MPO: variants seen among roughly 807,000 people sequenced by gnomAD.
MPO encodes myeloperoxidase.
MPO carries 57 observed loss-of-function variants against 69.4 expected under a neutral mutation model. The observed-to-expected ratio is 0.82, with a 90% CI of 0.66 to 1.02. MPO has a LOEUF of 1.02. Ranked by LOEUF, MPO falls within the 50% of genes least tolerant of loss-of-function variation. MPO has a pLI of 0.00. For missense variants in MPO, 971 were observed against 1,014.1 expected, an observed-to-expected ratio of 0.96 and a Z score of 0.58; for synonymous variants, 426 against 417.1, an observed-to-expected ratio of 1.02 and a Z score of -0.26.
chr17:58,278,934 C>A, intron 6 of MPO, 74 bp downstream of exon 6: 1 of 1,499,196 alleles, frequency 6.7e-7, no homozygotes, highest in Non-Finnish European at 9.0e-7. Flanking sequence ...AACCTGGGCA[C>A]AGAAGGGAGA....
At position 58,279,424 on chromosome 17, in the gene MPO, C is replaced by A; in HGVS notation, c.551G>T (p.Arg184Leu). 6.2e-7 allele frequency: 1 copy of A among 1,610,238 alleles called. No homozygotes were observed. Among genetic ancestry groups the A allele is most frequent in the Non-Finnish European group, 8.5e-7 (1 of 1,178,610 alleles). The change falls in exon 5 of 12, where the codon CGC becomes CTC. Residue 184 changes from arginine (R) to leucine (L), a missense_variant and splice_region_variant. By Grantham distance (102) the Arg-to-Leu change is moderately radical. Coordinates refer to ENST00000225275, the MANE Select transcript of MPO (RefSeq NM_000250.2). ...RTITGMCNNR[R>L]SPTLGASNRA... ...GTTGGAGGCCCCCAGCGTGGGGCTG[C>A]GTCTGCAGGGGAGGACAGGGCGCTG...
intron 6 of MPO, 111 bp downstream of exon 6, chr17:58,278,897 C>T: frequency 7.8e-7 from 1 of 1,285,516 alleles, no homozygotes; most frequent in Non-Finnish European, 1.1e-6. Flanking sequence ...GAGGCAGGGC[C>T]AGCCTTCCTC....
At chr17:58,278,959 A>T (rs781660746) in intron 6 of MPO, 49 bp downstream of exon 6, 4 of 1,555,446 alleles carry the variant, frequency 2.6e-6, no homozygotes, top group Non-Finnish European at 3.5e-6. Flanking sequence ...CCCTTCCAGA[A>T]ACAATCTCCC....
rs375686331 is a variant in MPO, at chr17:58,270,612, C to G, written c.*44G>C. The G allele has an allele frequency of 6.2e-5, 94 of 1,526,056 alleles. No individual in the cohort carries two copies. The African/African-American group carries it at 1.3e-3, about 21-fold the overall frequency. 94.5% of individuals were successfully genotyped at this position (1,526,056 alleles called of 1,614,324 possible). On this transcript the variant is annotated 3_prime_UTR_variant, in exon 12 of 12. Transcript: ENST00000225275. This position sits in a 1 kb window ranked among gnomAD's most constrained non-coding sequence, Gnocchi z 4.1. ...GGAGATCTCCGTGGTTCCAACTGGCCAGCCCAGATATACCCCTCACTGCTG... is the reference window on the plus strand; with the variant it reads ...GGAGATCTCCGTGGTTCCAACTGGCGAGCCCAGATATACCCCTCACTGCTG...
chr17:58,274,253 G>C (rs1167870599), intron 8 of MPO: 2 of 472,076 alleles, frequency 4.2e-6, no homozygotes, highest in Admixed American at 4.5e-5. Context: ...GAGTCTAGAA[G>C]TTATTTTGGA....
intron 9 of MPO, 130 bp downstream of exon 9, chr17:58,273,284 G>C: frequency 1.4e-6 from 2 of 1,423,938 alleles, no homozygotes; most frequent in Non-Finnish European, 2.0e-6. Flanking sequence ...ACTGAGGCTA[G>C]AGAGTCAGAC....
chr17:58,280,925 C>T lies in MPO; in HGVS notation c.-167G>A. ...CAAGGACCCCACCTCCACAGCTCACCTGATATTGTCAGCTCCTCTTAGCTC... is the reference window on the plus strand; with the variant it reads ...CAAGGACCCCACCTCCACAGCTCACTTGATATTGTCAGCTCCTCTTAGCTC... On this transcript the variant is annotated 5_prime_UTR_variant, in exon 1 of 12. Transcript: ENST00000225275. The T allele has an allele frequency of 1.4e-6, 1 of 724,762 alleles. No individual in the cohort carries two copies. The highest frequency in any genetic ancestry group is 2.3e-6 in the Non-Finnish European group (1 of 436,774). 44.9% of individuals were successfully genotyped at this position (724,762 alleles called of 1,614,324 possible). A position where few individuals can be genotyped will look rare whatever the true frequency, so the allele number is the denominator to read the frequency against.
Position 58,270,712 on chromosome 17 carries a change from C to A in MPO, c.2182G>T (p.Val728Phe), listed in dbSNP as rs1175389434. The A allele has an allele frequency of 1.9e-6, 3 of 1,614,124 alleles. No individual in the cohort carries two copies. The highest frequency in any genetic ancestry group is 1.7e-6 in the Non-Finnish European group (2 of 1,180,012). The change falls in exon 12 of 12, where the codon GTC becomes TTC. Residue 728 changes from valine (V) to phenylalanine (F), a missense_variant. Physicochemically the swap from Val to Phe is conservative, Grantham distance 50. Coordinates refer to ENST00000225275, the MANE Select transcript of MPO (RefSeq NM_000250.2). The surrounding 1 kb of genome is among the most constrained non-coding windows in gnomAD (Gnocchi z 4.1). ...FMSNSYPRDF[V>F]NCSTLPALNL... ...AATGCAGGAAGTGTACTGCAGTTGA[C>A]AAAGTCCCGGGGATATGAGTTGGAC... is the stretch of plus-strand genomic sequence containing the variant.
In MPO at chr17:58,280,182, C is replaced by G. The variant is rs1970498104; in HGVS notation, c.249-168G>C. ...CCTGGGTGTCCAGACAGAGGCAAGGCTTTGGGAAGGATGGCTTTTAAGCTG... is the reference window on the plus strand; with the variant it reads ...CCTGGGTGTCCAGACAGAGGCAAGGGTTTGGGAAGGATGGCTTTTAAGCTG... On this transcript the variant is annotated intron_variant, in intron 2 of 11. Transcript: ENST00000225275. 6.7e-6 allele frequency: 7 copies of G among 1,051,252 alleles called. No individual in the cohort carries two copies. The South Asian group carries it at 9.7e-5, about 15-fold the overall frequency. The allele number at this position is 1,051,252 out of a possible 1,614,324, so 65.1% of individuals were successfully genotyped here.
At position 58,279,327 on chromosome 17, in the gene MPO, C is replaced by G. The variant is rs917881442; in HGVS notation, c.648G>C (p.Gly216=). 10 of 1,572,048 alleles carry G rather than the reference C, an allele frequency of 6.4e-6. No individual in the cohort carries two copies. The highest frequency in any genetic ancestry group is 8.6e-6 in the Non-Finnish European group (10 of 1,158,950). ...GFSLPYGWTP[G]VKRNGFPVAL... ...CCACCGGGAAGCCGTTGCGCTTGACCCCGGGCGTCCAGCCGTAGGGAAGAG... is the reference window on the plus strand; with the variant it reads ...CCACCGGGAAGCCGTTGCGCTTGACGCCGGGCGTCCAGCCGTAGGGAAGAG... The change falls in exon 5 of 12, where the codon GGG becomes GGC. Residue 216 remains glycine, a synonymous_variant. Transcript: ENST00000225275.
chr17:58,279,738 T>A (rs750228748), intron 3 of MPO, 92 bp from the exon 4 acceptor site: 1 of 1,613,216 alleles, frequency 6.2e-7, no homozygotes, highest in South Asian at 1.1e-5. Flanking sequence ...CTCCTGAGAC[T>A]CCCTGGAGGA....
At position 58,271,655 on chromosome 17, in the gene MPO, C is replaced by T. The variant is rs966981051; in HGVS notation, c.2030G>A (p.Arg677Gln). 5 of 1,613,742 alleles carry T rather than the reference C, an allele frequency of 3.1e-6. No individual in the cohort carries two copies. The highest frequency in any genetic ancestry group is 1.7e-5 in the Admixed American group (1 of 60,032). Reference protein sequence around the residue: ...TQFRKLRDGDRFWWENEGVFS... With the variant: ...TQFRKLRDGDQFWWENEGVFS... ...GCCCACGACGCCTGCCCCTCCTCACCGATCACCATCCCGGAGCTTCCTGAA... is the reference window on the plus strand; with the variant it reads ...GCCCACGACGCCTGCCCCTCCTCACTGATCACCATCCCGGAGCTTCCTGAA... Residue 677 changes from arginine (R) to glutamine (Q), a missense_variant and splice_region_variant, in exon 11 of 12, where the codon CGG becomes CAG. Arg to Gln is a conservative substitution (Grantham distance 43, BLOSUM62 1). Coordinates refer to ENST00000225275, the MANE Select transcript of MPO (RefSeq NM_000250.2).
Position 58,275,814 on chromosome 17 carries a change from C to T in MPO, c.1205-112G>A. On this transcript the variant is annotated intron_variant, in intron 7 of 11. Coordinates refer to ENST00000225275, the MANE Select transcript of MPO (RefSeq NM_000250.2). This position sits in a 1 kb window ranked among gnomAD's most constrained non-coding sequence, Gnocchi z 4.1. ...CTGAAATGCCTCCTACTCACCCCTC[C>T]TCCCCATCCATCTTTTCAAACTATC... 7.8e-7 allele frequency: 1 copy of T among 1,280,266 alleles called. No homozygotes were observed. 79.3% of individuals were successfully genotyped at this position (1,280,266 alleles called of 1,614,324 possible). A position where few individuals can be genotyped will look rare whatever the true frequency, so the allele number is the denominator to read the frequency against.
At position 58,279,973 on chromosome 17, in the gene MPO, T is replaced by A. The variant is rs1239627292; in HGVS notation, c.290A>T (p.Glu97Val). 1.2e-6 allele frequency: 2 copies of A among 1,613,194 alleles called. No homozygotes were observed. The highest frequency in any genetic ancestry group is 2.7e-5 in the African/African-American group (2 of 74,770). ...RLRSGSASPM[E>V]LLSYFKQPVA... ...CGGCTGCTTGAAGTAGGATAGGAGT[T>A]CCATGGGGCTGGCTGAGCCGCTGCG... Residue 97 changes from glutamate to valine, a missense_variant, in exon 3 of 12, where the codon GAA becomes GTA. Glu to Val is a moderately radical substitution (Grantham distance 121). Transcript: ENST00000225275.
intron 10 of MPO, among the ~76,000 whole-genome samples, chr17:58,272,200 C>G (rs1240666272): frequency 6.6e-6 from 1 of 152,220 alleles, no homozygotes; most frequent in Non-Finnish European, 1.5e-5. Context: ...ATCTCCTTGT[C>G]CCCCTCCAGA....
rs773271057 is a variant in MPO at position 58,271,638 on chromosome 17, C to T, written c.2030+17G>A. 23 of 1,612,658 alleles carry T rather than the reference C, an allele frequency of 1.4e-5. No homozygotes were observed. Among genetic ancestry groups the T allele is most frequent in the Admixed American group, 6.7e-5 (4 of 60,004 alleles). On this transcript the variant is annotated intron_variant, in intron 11 of 11. Coordinates refer to ENST00000225275, the MANE Select transcript of MPO (RefSeq NM_000250.2). Reference sequence around the variant, plus strand: ...CCCACAGCCACCCAGCGGCCCACGACGCCTGCCCCTCCTCACCGATCACCA... The same window carrying T: ...CCCACAGCCACCCAGCGGCCCACGATGCCTGCCCCTCCTCACCGATCACCA...
At position 58,280,916 on chromosome 17, in the gene MPO, A is replaced by G; in HGVS notation, c.-158T>C. ...TCCAGCTTCCAAGGACCCCACCTCC[A>G]CAGCTCACCTGATATTGTCAGCTCC... is the stretch of plus-strand genomic sequence containing the variant. On this transcript the variant is annotated 5_prime_UTR_variant, in exon 1 of 12. Coordinates refer to ENST00000225275, the MANE Select transcript of MPO (RefSeq NM_000250.2). 1 of 763,620 alleles carries G rather than the reference A, an allele frequency of 1.3e-6. No homozygotes were observed. Among genetic ancestry groups the G allele is most frequent in the Non-Finnish European group, 2.1e-6 (1 of 468,598 alleles). 47.3% of individuals were successfully genotyped at this position (763,620 alleles called of 1,614,324 possible).
rs1356320863 is a variant in MPO at position 58,280,347 on chromosome 17, G to A, written c.248+19C>T. 1 of 1,612,178 alleles carries A rather than the reference G, an allele frequency of 6.2e-7. No homozygotes were observed. The highest frequency in any genetic ancestry group is 2.2e-5 in the East Asian group (1 of 44,866). On this transcript the variant is annotated intron_variant, in intron 2 of 11. Transcript: ENST00000225275. ...CTGGGACATCCTTGCCCAGAGCTGGGCAGTGCCTCGTGCCCCACCTTTCCC... is the reference window on the plus strand; with the variant it reads ...CTGGGACATCCTTGCCCAGAGCTGGACAGTGCCTCGTGCCCCACCTTTCCC...
In MPO at chr17:58,273,607, C is replaced by T; in HGVS notation, c.1428G>A (p.Leu476=). ...AGTCATTGTAGGAACGGTACGTGGGCAGGTACTTCCTCATGGCCGTTGGCC... is the reference window on the plus strand; with the variant it reads ...AGTCATTGTAGGAACGGTACGTGGGTAGGTACTTCCTCATGGCCGTTGGCC... ...VLGPTAMRKY[L]PTYRSYNDSV... is the part of the protein sequence containing the mutation. The change falls in exon 9 of 12, where the codon CTG becomes CTA. Residue 476 remains leucine (L), a synonymous_variant. Transcript: ENST00000225275. The T allele has an allele frequency of 6.2e-7, 1 of 1,614,210 alleles. No homozygotes were observed. The highest frequency in any genetic ancestry group is 2.2e-5 in the East Asian group (1 of 44,890).
Sources: allele counts gnomAD v4.1 joint callset (sites outside exome capture counted in the v4.1 genomes callset), GRCh38; gene constraint gnomAD v4.1.1; non-coding constraint Gnocchi (gnomAD v3.1); transcripts MANE v1.5; gene names NCBI Gene and HGNC (gene_info 2026-07-23, HGNC 2026-07-21).